Variants in STYK1 observed in about 807,000 individuals in gnomAD.
STYK1 encodes STY kinase 1.
In STYK1, 46 loss-of-function variants were observed where a neutral mutation model predicts 48.1. That is an observed-to-expected ratio of 0.96 (90% CI 0.75 to 1.22). The LOEUF (loss-of-function observed/expected upper bound fraction) is 1.22. Ranked by LOEUF, STYK1 falls within the 50% of genes most tolerant of loss-of-function variation. The pLI is 0.00. For missense variants in STYK1, 527 were observed against 521.1 expected (o/e 1.01, Z -0.11); for synonymous variants, 188 against 189.0 (o/e 0.99, Z 0.04).
At chr12:10,641,288 A>G (rs1027236950) in intron 1 of STYK1, among the ~76,000 whole-genome samples, 1 of 152,190 alleles carries the variant, frequency 6.6e-6, no homozygotes, top group African/African-American at 2.4e-5. Flanking sequence ...GCTGCTTTCA[A>G]ATACCTTGTT....
intron 1 of STYK1, chr12:10,673,734 TATC>T (rs1947913597): frequency 1.3e-5 from 2 of 152,244 alleles, no homozygotes; most frequent in South Asian, 4.1e-4. Flanking sequence ...TTTACTCCCT[TATC>T]ATATAGAAAC....
intron 10 of STYK1, among the ~76,000 whole-genome samples, chr12:10,620,896 G>C (rs1031912267): frequency 2.6e-5 from 4 of 152,098 alleles, no homozygotes; most frequent in African/African-American, 9.7e-5. Flanking sequence ...TTGTCAGTTA[G>C]GTGTCTTTCC....
At chr12:10,626,530 C>T (rs1045173514) in intron 7 of STYK1, among the ~76,000 whole-genome samples, 4 of 152,126 alleles carry the variant, frequency 2.6e-5, no homozygotes, top group African/African-American at 9.7e-5. Flanking sequence ...CTCAAAGTAG[C>T]AAGATATATC....
chr12:10,634,632 T>G lies in STYK1; in HGVS notation c.-14A>C. ...TGTCATGCCCATTGCCACAGGGCTGTCCCCTTCCCTGCTAGGCCCACAGAG... is the reference window on the plus strand; with the variant it reads ...TGTCATGCCCATTGCCACAGGGCTGGCCCCTTCCCTGCTAGGCCCACAGAG... On this transcript the variant is annotated 5_prime_UTR_variant, in exon 3 of 11. Transcript: ENST00000075503. The G allele has an allele frequency of 1.2e-6, 2 of 1,614,050 alleles. No individual in the cohort carries two copies. Among genetic ancestry groups the G allele is most frequent in the Non-Finnish European group, 1.7e-6 (2 of 1,179,986 alleles).
intron 9 of STYK1, 71 bp from the exon 10 acceptor site, chr12:10,622,043 T>C (rs904602099): frequency 1.4e-6 from 2 of 1,396,810 alleles, no homozygotes; most frequent in African/African-American, 2.9e-5. Flanking sequence ...CTATTCTTCA[T>C]CCACTTGGGT....
intron 1 of STYK1, among the ~76,000 whole-genome samples, chr12:10,646,967 A>T (rs1947606460): frequency 6.6e-6 from 1 of 152,256 alleles, no homozygotes; most frequent in Non-Finnish European, 1.5e-5. Context: ...ACCTCTGCCT[A>T]GATTTCAGAG....
intron 7 of STYK1, among the ~76,000 whole-genome samples, chr12:10,625,198 C>CTTT (rs1392687988): frequency 7.2e-4 from 87 of 121,268 alleles, no homozygotes; most frequent in African/African-American, 2.4e-3. Context: ...TTCCAAGTTT[C>CTTT]TTTCTTTTTT....
intron 3 of STYK1, 94 bp downstream of exon 3, chr12:10,634,473 G>A: frequency 2.2e-6 from 3 of 1,376,538 alleles, no homozygotes; most frequent in Non-Finnish European, 3.1e-6. Context: ...CATTTCTACT[G>A]GAAATCAAAT....
At chr12:10,670,156 A>T (rs953842360) in intron 1 of STYK1, among the ~76,000 whole-genome samples, 2 of 152,174 alleles carry the variant, frequency 1.3e-5, no homozygotes, top group Non-Finnish European at 2.9e-5. Flanking sequence ...ACTTTTGTAT[A>T]TAATGTTCTT....
At chr12:10,635,280 C>T (rs1444877788) in intron 2 of STYK1, among the ~76,000 whole-genome samples, 1 of 152,174 alleles carries the variant, frequency 6.6e-6, no homozygotes, top group Non-Finnish European at 1.5e-5. Flanking sequence ...GCTACCATTT[C>T]TAGCTCTAAA....
At chr12:10,642,509 C>G (rs1351248441) in intron 1 of STYK1, among the ~76,000 whole-genome samples, 1 of 152,166 alleles carries the variant, frequency 6.6e-6, no homozygotes, top group Non-Finnish European at 1.5e-5. Context: ...TCCTCCCTTC[C>G]TTCTTCATCT....
At chr12:10,620,768 A>G (rs1307153081) in intron 10 of STYK1, among the ~76,000 whole-genome samples, 2 of 152,132 alleles carry the variant, frequency 1.3e-5, no homozygotes, top group Admixed American at 6.5e-5. Context: ...CATGTTTCAG[A>G]TATCTCCTCA....
chr12:10,648,093 A>C (rs959235062), intron 1 of STYK1, among the ~76,000 whole-genome samples: 1 of 152,346 alleles, frequency 6.6e-6, no homozygotes. Context: ...GCTTCAATCA[A>C]GGAAATGCTT....
chr12:10,622,589 G>A (rs771382935), intron 9 of STYK1, 49 bp downstream of exon 9: 12 of 1,606,610 alleles, frequency 7.5e-6, no homozygotes, highest in Admixed American at 1.7e-5. Context: ...AAATAAACAC[G>A]CTTGCATATT....
chr12:10,664,586 T>G (rs1020140562), intron 1 of STYK1, among the ~76,000 whole-genome samples: 1 of 152,244 alleles, frequency 6.6e-6, no homozygotes, highest in Non-Finnish European at 1.5e-5. Flanking sequence ...TCACTAGTTA[T>G]GTCTTGCTGA....
In STYK1 at chr12:10,672,437, A is replaced by G. The variant is rs548744510; in HGVS notation, c.-195+1529T>C. ...ATTTTTGGTAGAGATGGGTTTCGCCAAGTTGCCCAGGCTGGTCTCAAACTC... is the reference window on the plus strand; with the variant it reads ...ATTTTTGGTAGAGATGGGTTTCGCCGAGTTGCCCAGGCTGGTCTCAAACTC... On this transcript the variant is annotated intron_variant, in intron 1 of 10. Coordinates refer to ENST00000075503, the MANE Select transcript of STYK1 (RefSeq NM_018423.3). The surrounding 1 kb of genome is among the most constrained non-coding windows in gnomAD (Gnocchi z 4.0). Among the ~76,000 whole-genome samples, 2 of 152,036 alleles carry G rather than the reference A, an allele frequency of 1.3e-5. No homozygotes were observed. Among genetic ancestry groups the G allele is most frequent in the Non-Finnish European group, 2.9e-5 (2 of 68,006 alleles).
At chr12:10,649,524 C>G (rs1040395063) in intron 1 of STYK1, among the ~76,000 whole-genome samples, 1 of 152,148 alleles carries the variant, frequency 6.6e-6, no homozygotes, top group African/African-American at 2.4e-5. Context: ...GGGAAAAACA[C>G]CTGTGTAGGG....
At chr12:10,655,486 G>A (rs936614852) in intron 1 of STYK1, among the ~76,000 whole-genome samples, 1 of 152,178 alleles carries the variant, frequency 6.6e-6, no homozygotes, top group Non-Finnish European at 1.5e-5. Context: ...TTTTCACAAT[G>A]GCATCCCTGG....
At chr12:10,629,358 A>G (rs2120629657) in intron 6 of STYK1, 135 bp downstream of exon 6, 1 of 867,768 alleles carries the variant, frequency 1.2e-6, no homozygotes, top group Admixed American at 2.6e-5. Flanking sequence ...GTTCTATTAT[A>G]TGGTCATACT....
Sources: allele counts gnomAD v4.1 joint callset (sites outside exome capture counted in the v4.1 genomes callset), GRCh38; gene constraint gnomAD v4.1.1; non-coding constraint Gnocchi (gnomAD v3.1); transcripts MANE v1.5; gene names NCBI Gene and HGNC (gene_info 2026-07-23, HGNC 2026-07-21).